LGR5: variants seen among roughly 807,000 people sequenced by gnomAD.
The protein encoded by LGR5 is leucine-rich repeat-containing G protein-coupled receptor 5.
Under a neutral mutation model 76.7 loss-of-function variants are expected in LGR5, and 54 were observed. The ratio of observed to expected loss-of-function variants is 0.70; its 90% CI spans 0.57 to 0.88. The LOEUF is 0.88. Among genes scored for constraint, LGR5 ranks in the 40% least tolerant of loss-of-function variants. The pLI, the probability that LGR5 is intolerant of heterozygous loss-of-function variation, is 0.00. For synonymous variants in LGR5, 406 were observed against 421.9 expected, an observed-to-expected ratio of 0.96 and a Z score of 0.46; for missense variants, 1,078 against 1,073.3, an observed-to-expected ratio of 1.00 and a Z score of -0.06.
At chr12:71,551,020 C>T (rs1877456147) in intron 4 of LGR5, among the ~76,000 whole-genome samples, 1 of 152,208 alleles carries the variant, frequency 6.6e-6, no homozygotes, top group South Asian at 2.1e-4. Flanking sequence ...ATTTTCTAAA[C>T]ATTTGTGGCT....
chr12:71,521,151 A>G (rs1161340956), intron 2 of LGR5, among the ~76,000 whole-genome samples: 1 of 152,250 alleles, frequency 6.6e-6, no homozygotes, highest in Admixed American at 6.5e-5. Flanking sequence ...GAAATAAAGC[A>G]GAGAGACAGA....
chr12:71,556,861 T>C (rs1031785214), intron 6 of LGR5, among the ~76,000 whole-genome samples, 171 bp downstream of exon 6: 3 of 152,222 alleles, frequency 2.0e-5, no homozygotes, highest in African/African-American at 7.2e-5. Flanking sequence ...AGCTAAACAA[T>C]AAAACTGGGA....
chr12:71,501,189 A>G (rs186477122), intron 1 of LGR5, among the ~76,000 whole-genome samples: 1 of 152,348 alleles, frequency 6.6e-6, no homozygotes, highest in East Asian at 1.9e-4. Flanking sequence ...TGTGTGTACC[A>G]GGTGTCAAAA....
chr12:71,542,363 G>A (rs1471594574), intron 4 of LGR5, among the ~76,000 whole-genome samples: 1 of 152,222 alleles, frequency 6.6e-6, no homozygotes, highest in African/African-American at 2.4e-5. Flanking sequence ...GTGGAGAGAC[G>A]TGCAAGAAGA....
chr12:71,536,948 G>T (rs1876621127), intron 4 of LGR5, among the ~76,000 whole-genome samples: 1 of 152,108 alleles, frequency 6.6e-6, no homozygotes. Flanking sequence ...AAAGGTCAAG[G>T]GTTAACTTTC....
At chr12:71,574,552 T>C (rs371735492) in intron 13 of LGR5, among the ~76,000 whole-genome samples, 21 of 152,138 alleles carry the variant, frequency 1.4e-4, no homozygotes, top group African/African-American at 4.8e-4. Flanking sequence ...CCATTCATCT[T>C]ATTCTTTCTT....
chr12:71,466,498 T>A (rs1872868529), intron 1 of LGR5, among the ~76,000 whole-genome samples: 1 of 152,130 alleles, frequency 6.6e-6, no homozygotes, highest in South Asian at 2.1e-4. Context: ...GGGAAGAAGA[T>A]GAAGAAATGA....
chr12:71,493,943 A>ATTT (rs547681278), intron 1 of LGR5, among the ~76,000 whole-genome samples: 2 of 116,606 alleles, frequency 1.7e-5, no homozygotes, highest in Non-Finnish European at 3.5e-5. Context: ...TAATTTTTTG[A>ATTT]TTTTTTTTTT....
intron 16 of LGR5, 129 bp downstream of exon 16, chr12:71,580,552 T>C: frequency 1.1e-6 from 1 of 911,646 alleles, no homozygotes. Flanking sequence ...TCCCAACAGT[T>C]TGGGAGGCCG....
At chr12:71,502,087 G>T (rs1874632889) in intron 1 of LGR5, among the ~76,000 whole-genome samples, 1 of 152,052 alleles carries the variant, frequency 6.6e-6, no homozygotes, top group Non-Finnish European at 1.5e-5. Context: ...AGGTGGTAAG[G>T]GGTTGGTTTT....
intron 14 of LGR5, among the ~76,000 whole-genome samples, chr12:71,578,421 G>A (rs1227359654): frequency 6.6e-6 from 1 of 152,006 alleles, no homozygotes; most frequent in Non-Finnish European, 1.5e-5. Context: ...GAAGAAATTG[G>A]TTAGACAGAA....
chr12:71,565,003 G>A (rs1878271391), intron 8 of LGR5, among the ~76,000 whole-genome samples: 1 of 110,828 alleles, frequency 9.0e-6, no homozygotes, highest in South Asian at 3.5e-4. Context: ...ATACGTACAT[G>A]TATGTGAACA....
chr12:71,574,965 C>T lies in LGR5; in HGVS notation c.1208+2044C>T, dbSNP rs79825563. ...CCCATAAATTAAAATTTCAGTAAAA[C>T]TTCTAGCCCAGGGTCTAGTGCAGTG... On this transcript the variant is annotated intron_variant, in intron 13 of 17. Transcript: ENST00000266674. Among the ~76,000 whole-genome samples the T allele has an allele frequency of 8.4e-4, 128 of 152,292 alleles. No homozygotes were observed. The East Asian group carries it at 0.024, about 28-fold the overall frequency.
chr12:71,536,237 G>C (rs563557807), intron 4 of LGR5, among the ~76,000 whole-genome samples: 2 of 152,236 alleles, frequency 1.3e-5, no homozygotes, highest in African/African-American at 4.8e-5. Flanking sequence ...AGAATCCTTC[G>C]GTTAATAATT....
chr12:71,547,098 C>A (rs960331059), intron 4 of LGR5, among the ~76,000 whole-genome samples: 2 of 152,178 alleles, frequency 1.3e-5, no homozygotes, highest in African/African-American at 4.8e-5. Flanking sequence ...GAAAGTCATA[C>A]CATGACCCTT....
intron 5 of LGR5, 135 bp from the exon 6 acceptor site, chr12:71,556,484 T>G: frequency 1.5e-6 from 1 of 659,250 alleles, no homozygotes; most frequent in East Asian, 2.6e-5. Context: ...GAATGCAGCA[T>G]ATAGCCATTT....
intron 1 of LGR5, among the ~76,000 whole-genome samples, chr12:71,495,248 G>GA (rs1874262122): frequency 6.6e-6 from 1 of 151,380 alleles, no homozygotes; most frequent in Non-Finnish European, 1.5e-5. Context: ...GCATTTATGG[G>GA]AAGATGCAAA....
chr12:71,469,468 G>A (rs1873002290), intron 1 of LGR5, among the ~76,000 whole-genome samples: 1 of 152,236 alleles, frequency 6.6e-6, no homozygotes, highest in Non-Finnish European at 1.5e-5. Flanking sequence ...CCGCGTGGGC[G>A]CTGGGAGTGG....
chr12:71,482,625 AG>A (rs1873657730), intron 1 of LGR5, among the ~76,000 whole-genome samples: 2 of 152,174 alleles, frequency 1.3e-5, no homozygotes, highest in African/African-American at 4.8e-5. Flanking sequence ...AGCCTAGAAA[AG>A]TATTTATTGT....
Sources: allele counts gnomAD v4.1 joint callset (sites outside exome capture counted in the v4.1 genomes callset), GRCh38; gene constraint gnomAD v4.1.1; transcripts MANE v1.5; gene names NCBI Gene and HGNC (gene_info 2026-07-23, HGNC 2026-07-21).